The following UGT2B7 variants were observed in gnomAD, a reference collection of about 807,000 sequenced individuals.
The protein encoded by UGT2B7 is UDP-glucuronosyltransferase 2B7.
UGT2B7 carries 51 observed loss-of-function variants against 51.9 expected under a neutral mutation model. The ratio of observed to expected loss-of-function variants is 0.98; its 90% CI spans 0.78 to 1.24. The LOEUF is 1.24. Among genes scored for constraint, UGT2B7 ranks in the 50% most tolerant of loss-of-function variants. The pLI is 0.00. For missense variants in UGT2B7, 727 were observed against 628.4 expected, an observed-to-expected ratio of 1.16 and a Z score of -1.68; for synonymous variants, 225 against 211.6, an observed-to-expected ratio of 1.06 and a Z score of -0.55.
rs1043673658 is a variant in UGT2B7 at position 69,060,340 on chromosome 4, G to A, written c.-159+8738G>A. ...TGTACACTTCCTACTCCAACCACCC[G>A]GTGACAAGAGAGTTCCTAGGGCCAG... On this transcript the variant is annotated intron_variant, in intron 1 of 5. Coordinates refer to the UGT2B7 transcript ENST00000502942. Among the ~76,000 whole-genome samples, 13 of 152,282 alleles carry A rather than the reference G, an allele frequency of 8.5e-5. No homozygotes were observed. The South Asian group carries it at 1.5e-3, about 17-fold the overall frequency.
intron 4 of UGT2B7, 21 bp from the exon 5 acceptor site, chr4:69,108,082 C>T (rs773292514): frequency 6.2e-7 from 1 of 1,611,682 alleles, no homozygotes; most frequent in Non-Finnish European, 8.5e-7. Context: ...AGTAATTTTG[C>T]TAAAATTCAT....
chr4:69,076,908 G>A lies in UGT2B7; in HGVS notation c.-158-12564G>A, dbSNP rs181511157. On this transcript the variant is annotated intron_variant, in intron 1 of 5. Transcript: ENST00000502942. ...CTAGGTTTTCTTCTAGGATTTTTAT[G>A]ATTTTAGGTCTTATGTGTAAGTCTT... Among the ~76,000 whole-genome samples, 522 of 152,232 alleles carry A rather than the reference G, an allele frequency of 3.4e-3. 1 individual carries two copies. The highest frequency in any genetic ancestry group is 5.4e-3 in the Non-Finnish European group (365 of 67,994).
chr4:69,089,111 G>A (rs1409490759), intron 1 of UGT2B7, among the ~76,000 whole-genome samples: 5 of 152,170 alleles, frequency 3.3e-5, no homozygotes, highest in East Asian at 1.9e-4. Flanking sequence ...GGGAATTAAT[G>A]TTGGGAGGTG....
intron 1 of UGT2B7, among the ~76,000 whole-genome samples, chr4:69,061,270 A>G (rs1439712873): frequency 1.3e-5 from 2 of 152,164 alleles, no homozygotes; most frequent in African/African-American, 4.8e-5. Flanking sequence ...AAGACTCTTA[A>G]CTCCTGGAGG....
In UGT2B7 at chr4:69,112,606, A is replaced by C. The variant is rs1254089448; in HGVS notation, c.1460A>C (p.Gln487Pro). The change falls in exon 6 of 6, where the codon CAG becomes CCG. Residue 487 changes from glutamine (Q) to proline (P), a missense_variant. Gln to Pro is a moderately conservative substitution (Grantham distance 76, BLOSUM62 -1). Transcript: ENST00000305231. ...GCAGCCCACGACCTCACCTGGTTCCAGTACCACTCTTTGGATGTGATTGGG... is the reference window on the plus strand; with the variant it reads ...GCAGCCCACGACCTCACCTGGTTCCCGTACCACTCTTTGGATGTGATTGGG... ...RVAAHDLTWF[Q>P]YHSLDVIGFL... 1 of 1,614,000 alleles carries C rather than the reference A, an allele frequency of 6.2e-7. No individual in the cohort carries two copies. Among genetic ancestry groups the C allele is most frequent in the Admixed American group, 1.7e-5 (1 of 60,012 alleles).
chr4:69,068,020 T>A (rs1718519185), intron 1 of UGT2B7, among the ~76,000 whole-genome samples: 1 of 152,092 alleles, frequency 6.6e-6, no homozygotes, highest in Non-Finnish European at 1.5e-5. Context: ...TTTTTAAACA[T>A]TTTTTGTCTA....
intron 2 of UGT2B7, among the ~76,000 whole-genome samples, chr4:69,102,538 C>T (rs1409866974): frequency 1.3e-5 from 2 of 152,044 alleles, no homozygotes; most frequent in African/African-American, 4.8e-5. Flanking sequence ...AATGTAATAG[C>T]TCCATTTCTT....
intron 1 of UGT2B7, among the ~76,000 whole-genome samples, chr4:69,056,022 T>A (rs901392798): frequency 3.9e-5 from 6 of 152,002 alleles, no homozygotes; most frequent in African/African-American, 1.4e-4. Context: ...CAGGTTATAC[T>A]AGATATGTAG....
At chr4:69,069,500 C>T (rs2109867623) in intron 1 of UGT2B7, 1 of 152,178 alleles carries the variant, frequency 6.6e-6, no homozygotes, top group East Asian at 1.9e-4. Context: ...AACAAAATCT[C>T]TATAACCACT....
intron 1 of UGT2B7, chr4:69,069,639 G>A (rs1718558720): frequency 8.4e-6 from 1 of 119,158 alleles, no homozygotes; most frequent in Non-Finnish European, 1.7e-5. Flanking sequence ...TTTTCCTTTA[G>A]CTGTAAAAAA....
chr4:69,097,980 A>G (rs1270541767), intron 1 of UGT2B7, among the ~76,000 whole-genome samples: 1 of 152,026 alleles, frequency 6.6e-6, no homozygotes, highest in African/African-American at 2.4e-5. Context: ...ATGTACAAAT[A>G]TATTTACTTA....
chr4:69,058,447 G>T (rs1243789767), intron 1 of UGT2B7, among the ~76,000 whole-genome samples: 1 of 152,152 alleles, frequency 6.6e-6, no homozygotes, highest in Non-Finnish European at 1.5e-5. Flanking sequence ...AGAGGACCCC[G>T]ACTAGGACCC....
intron 1 of UGT2B7, among the ~76,000 whole-genome samples, chr4:69,060,991 C>A (rs764545729): frequency 2.6e-5 from 4 of 152,100 alleles, no homozygotes; most frequent in Non-Finnish European, 5.9e-5. Context: ...TCTGACAGAT[C>A]GGCCCCTCGG....
chr4:69,073,903 C>A (rs1718650733), intron 1 of UGT2B7, among the ~76,000 whole-genome samples: 1 of 151,968 alleles, frequency 6.6e-6, no homozygotes, highest in Non-Finnish European at 1.5e-5. Context: ...TTCATGTAAT[C>A]AACCTTCATT....
intron 1 of UGT2B7, among the ~76,000 whole-genome samples, chr4:69,082,233 G>A (rs887802767): frequency 5.9e-5 from 9 of 151,882 alleles, no homozygotes; most frequent in Admixed American, 4.6e-4. Flanking sequence ...TTGAAATTAA[G>A]CCAGTTAATA....
intron 1 of UGT2B7, among the ~76,000 whole-genome samples, chr4:69,071,277 A>G (rs946032911): frequency 6.6e-6 from 1 of 152,068 alleles, no homozygotes. Context: ...CAACCACTTT[A>G]ATATCTGGAA....
chr4:69,072,578 A>G (rs1274422326), intron 1 of UGT2B7, among the ~76,000 whole-genome samples: 9 of 152,228 alleles, frequency 5.9e-5, no homozygotes, highest in African/African-American at 2.2e-4. Flanking sequence ...ATATTCTTGA[A>G]GTATATTCTT....
intron 1 of UGT2B7, among the ~76,000 whole-genome samples, chr4:69,084,017 T>A (rs1010915947): frequency 2.6e-5 from 4 of 152,154 alleles, no homozygotes; most frequent in African/African-American, 9.6e-5. Flanking sequence ...TGTGCATTTG[T>A]CATATATGGC....
intron 1 of UGT2B7, among the ~76,000 whole-genome samples, chr4:69,083,833 T>C (rs1328707527): frequency 6.8e-6 from 1 of 146,238 alleles, no homozygotes; most frequent in Non-Finnish European, 1.5e-5. Flanking sequence ...CAGAGAGGGA[T>C]AATTTGATTT....
Sources: gnomAD v4.1 joint callset for allele counts (sites outside exome capture counted in the v4.1 genomes callset) on GRCh38, gnomAD v4.1.1 for gene constraint, MANE v1.5 for transcripts, NCBI Gene and HGNC (gene_info 2026-07-23, HGNC 2026-07-21) for gene names.